ST13: variants seen among roughly 807,000 people sequenced by gnomAD.
ST13 encodes the protein hsc70-interacting protein.
ST13 carries 23 observed loss-of-function variants against 56.7 expected under a neutral mutation model. That is an observed-to-expected ratio of 0.41 (90% CI 0.29 to 0.57). The LOEUF is 0.57. Ranked by LOEUF, ST13 falls within the 20% of genes least tolerant of loss-of-function variation. ST13 has a pLI of 0.36. For missense variants in ST13, 369 were observed against 459.9 expected (o/e 0.80, Z 1.81); for synonymous variants, 132 against 142.4 (o/e 0.93, Z 0.52).
intron 5 of ST13, among the ~76,000 whole-genome samples, chr22:40,837,798 G>A (rs2057784955): frequency 6.6e-6 from 1 of 152,086 alleles, no homozygotes; most frequent in African/African-American, 2.4e-5. Flanking sequence ...TTACAGAAAC[G>A]TGCTACCACA....
chr22:40,845,612 C>A (rs1269267229), intron 3 of ST13, among the ~76,000 whole-genome samples: 1 of 152,070 alleles, frequency 6.6e-6, no homozygotes, highest in Non-Finnish European at 1.5e-5. Flanking sequence ...CTAGTACTTA[C>A]AACCAAAACA....
Position 40,835,457 on chromosome 22 carries a change from AT to A in ST13, c.578+102del. ...ATACTAAGTACACACTAATTTGAAA[AT>A]TAAGTCATTAGGAACTTTTGTGTTT... is the stretch of plus-strand genomic sequence containing the variant. On this transcript the variant is annotated intron_variant, in intron 7 of 11. Coordinates refer to ENST00000216218, the MANE Select transcript of ST13 (RefSeq NM_003932.5). 3 of 989,846 alleles carry A rather than the reference AT, an allele frequency of 3.0e-6. No individual in the cohort carries two copies. In the Admixed American group the frequency reaches 6.0e-5, roughly 20 times the overall value. 61.3% of individuals were successfully genotyped at this position (989,846 alleles called of 1,614,324 possible). A position where few individuals can be genotyped will look rare whatever the true frequency, so the allele number is the denominator to read the frequency against.
chr22:40,845,688 A>G (rs2057827253), intron 3 of ST13, among the ~76,000 whole-genome samples: 1 of 151,992 alleles, frequency 6.6e-6, no homozygotes, highest in South Asian at 2.1e-4. Flanking sequence ...TTAAATGACA[A>G]CTGTAATTTG....
At chr22:40,836,211 G>A (rs2057776578) in intron 5 of ST13, among the ~76,000 whole-genome samples, 1 of 152,242 alleles carries the variant, frequency 6.6e-6, no homozygotes, top group South Asian at 2.1e-4. Flanking sequence ...AGCACTTTGG[G>A]AGGCCAAGGC....
chr22:40,848,210 G>T, intron 3 of ST13, 84 bp downstream of exon 3: 2 of 930,272 alleles, frequency 2.1e-6, no homozygotes, highest in Non-Finnish European at 3.5e-6. Context: ...CTATTACACA[G>T]TGCTGATTTA....
chr22:40,850,965 T>A (rs2057858446), intron 1 of ST13, 85 bp from the exon 2 acceptor site: 2 of 913,728 alleles, frequency 2.2e-6, no homozygotes, highest in South Asian at 3.4e-5. Flanking sequence ...AAAATAACGT[T>A]AGACATTTAG....
rs1428147612 is a variant in ST13 at position 40,826,459 on chromosome 22, T to G, written c.*79A>C. On this transcript the variant is annotated 3_prime_UTR_variant, in exon 12 of 12. Coordinates refer to ENST00000216218, the MANE Select transcript of ST13 (RefSeq NM_003932.5). ...CTTGATGAGAAGGTCAGAGGTACAC[T>G]GGTTTGTATTATTGCGACATCCATA... The G allele has an allele frequency of 6.8e-7, 1 of 1,472,970 alleles. No individual in the cohort carries two copies. Among genetic ancestry groups the G allele is most frequent in the Non-Finnish European group, 9.2e-7 (1 of 1,085,896 alleles). 91.2% of individuals were successfully genotyped at this position (1,472,970 alleles called of 1,614,324 possible).
At chr22:40,856,131 G>A (rs547190031) in intron 1 of ST13, among the ~76,000 whole-genome samples, 7 of 152,154 alleles carry the variant, frequency 4.6e-5, no homozygotes, top group African/African-American at 7.2e-5. Context: ...AAGTCTTGCA[G>A]TTTTCACTCC....
chr22:40,838,847 T>C (rs2057789271), intron 5 of ST13, among the ~76,000 whole-genome samples: 2 of 150,640 alleles, frequency 1.3e-5, no homozygotes, highest in South Asian at 2.1e-4. Flanking sequence ...GAACAACTGA[T>C]AGGTATGAAT....
chr22:40,833,878 AAAAC>A (rs1224553070), intron 7 of ST13, among the ~76,000 whole-genome samples: 1 of 152,158 alleles, frequency 6.6e-6, no homozygotes, highest in Admixed American at 6.5e-5. Flanking sequence ...AAAACAAAAC[AAAAC>A]AAAACACTGT....
chr22:40,826,650 A>G lies in ST13; in HGVS notation c.998T>C (p.Val333Ala). Residue 333 changes from valine to alanine, a missense_variant, in exon 12 of 12, where the codon GTG (valine) becomes GCG (alanine). Val to Ala is a moderately conservative substitution (Grantham distance 64, BLOSUM62 0). Coordinates refer to ENST00000216218, the MANE Select transcript of ST13 (RefSeq NM_003932.5). ...GTTCTGAGCCACATCCTGGAAAGCC[A>G]CCATAACTTCTGGATCCTGAAAAGA... Reference protein sequence around the residue: ...LAAMQDPEVMVAFQDVAQNPA... With the variant: ...LAAMQDPEVMAAFQDVAQNPA... 6.2e-7 allele frequency: 1 copy of G among 1,609,788 alleles called. No homozygotes were observed. Among genetic ancestry groups the G allele is most frequent in the South Asian group, 1.1e-5 (1 of 91,064 alleles).
rs2057722810 is a variant in ST13, at chr22:40,825,367, C to T, written c.*1171G>A. 1 of 152,100 alleles carries T rather than the reference C, an allele frequency of 6.6e-6. No homozygotes were observed. The allele number at this position is 152,100 out of a possible 1,614,324, so 9.4% of individuals were successfully genotyped here. On this transcript the variant is annotated 3_prime_UTR_variant, in exon 12 of 12. Coordinates refer to ENST00000216218, the MANE Select transcript of ST13 (RefSeq NM_003932.5). Reference sequence around the variant, plus strand: ...TAATTCAAACCTTATCTTCAGAATACAAAGATGAATACTACAAGATAAACT... The same window carrying T: ...TAATTCAAACCTTATCTTCAGAATATAAAGATGAATACTACAAGATAAACT...
intron 2 of ST13, among the ~76,000 whole-genome samples, chr22:40,849,686 A>G (rs1601473340): frequency 6.6e-6 from 1 of 152,028 alleles, no homozygotes; most frequent in East Asian, 1.9e-4. Flanking sequence ...CTTCATACAC[A>G]TTTGCCAAAT....
Position 40,856,457 on chromosome 22 carries a change from C to T in ST13, c.84G>A (p.Met28Ile). The T allele has an allele frequency of 6.2e-7, 1 of 1,613,684 alleles. No homozygotes were observed. Among genetic ancestry groups the T allele is most frequent in the Non-Finnish European group, 8.5e-7 (1 of 1,179,728 alleles). The change falls in exon 1 of 12, where the codon ATG becomes ATA. Residue 28 changes from methionine to isoleucine, a missense_variant. Met to Ile is a conservative substitution (Grantham distance 10). Around this residue, in one of 3 missense-constraint regions of ST13, gnomAD observed 169 missense variants for 175.6 expected, o/e 0.96. Transcript: ENST00000216218. ...QDPSVLHTEE[M>I]RFLREWVESM... Reference sequence around the variant, plus strand: ...TCTCCACCCACTCCCTCAGGAAGCGCATTTCCTCGGTGTGCAGAACGCTCG... The same window carrying T: ...TCTCCACCCACTCCCTCAGGAAGCGTATTTCCTCGGTGTGCAGAACGCTCG...
intron 1 of ST13, among the ~76,000 whole-genome samples, chr22:40,855,722 G>A (rs983419512): frequency 6.6e-6 from 1 of 152,128 alleles, no homozygotes; most frequent in Admixed American, 6.5e-5. Flanking sequence ...TACTTATACT[G>A]TTTCCTAGCA....
intron 5 of ST13, among the ~76,000 whole-genome samples, chr22:40,839,208 G>A (rs2057791277): frequency 6.6e-6 from 1 of 152,166 alleles, no homozygotes; most frequent in African/African-American, 2.4e-5. Context: ...AATTAATCAG[G>A]TGGTAGAATC....
chr22:40,832,675 A>C lies in ST13; in HGVS notation c.579-4T>G, dbSNP rs1442842290. The C allele has an allele frequency of 1.3e-6, 2 of 1,595,120 alleles. No homozygotes were observed. Among genetic ancestry groups the C allele is most frequent in the Non-Finnish European group, 1.7e-6 (2 of 1,175,592 alleles). ...TTCTTCCCAGTGGCCTAGAAGTCTG[A>C]AACAGATTTACACTCATTTTAGGAG... On this transcript the variant is annotated splice_polypyrimidine_tract_variant and splice_region_variant and intron_variant, in intron 7 of 11. Transcript: ENST00000216218.
At chr22:40,840,145 G>A (rs944070788) in intron 5 of ST13, among the ~76,000 whole-genome samples, 3 of 152,110 alleles carry the variant, frequency 2.0e-5, no homozygotes, top group Non-Finnish European at 2.9e-5. Context: ...GTGAGAATCC[G>A]TCTCAAAAAA....
chr22:40,830,136 T>C (rs1181814717), intron 9 of ST13, among the ~76,000 whole-genome samples: 2 of 152,208 alleles, frequency 1.3e-5, no homozygotes, highest in Non-Finnish European at 2.9e-5. Flanking sequence ...ATCCCTCATA[T>C]GTAGTTTTAA....
Sources: gnomAD v4.1 joint callset for allele counts (sites outside exome capture counted in the v4.1 genomes callset) on GRCh38, gnomAD v4.1.1 for gene constraint, gnomAD v4.1.1 regional missense constraint, MANE v1.5 for transcripts, NCBI Gene and HGNC (gene_info 2026-07-23, HGNC 2026-07-21) for gene names.